LYPD1: variants seen among roughly 807,000 people sequenced by gnomAD.
LYPD1 encodes ly6/PLAUR domain-containing protein 1.
In LYPD1, 14 loss-of-function variants were observed where a neutral mutation model predicts 14.2. The observed-to-expected ratio is 0.99, with a 90% confidence interval of 0.65 to 1.54. The LOEUF (loss-of-function observed/expected upper bound fraction) is 1.54, where lower values mean the gene tolerates loss of function less well. Ranked by LOEUF, LYPD1 falls within the 40% of genes most tolerant of loss-of-function variation. The pLI is 0.00. For missense variants in LYPD1, 165 were observed against 175.7 expected (o/e 0.94, Z 0.34); for synonymous variants, 85 against 70.6 (o/e 1.20, Z -1.02).
Position 132,645,775 on chromosome 2 carries a change from C to G in LYPD1, c.*270G>C. On this transcript the variant is annotated 3_prime_UTR_variant, in exon 3 of 3. Transcript: ENST00000397463. ...GACTTCTAAGGACTGACTCTGCCAG[C>G]CTGGCCTTGACTCCGGTTACACAGA... The G allele has an allele frequency of 3.1e-6, 3 of 973,326 alleles. No homozygotes were observed. Among genetic ancestry groups the G allele is most frequent in the Non-Finnish European group, 3.0e-6 (2 of 677,214 alleles). 60.3% of individuals were successfully genotyped at this position (973,326 alleles called of 1,614,324 possible). A position where few individuals can be genotyped will look rare whatever the true frequency, so the allele number is the denominator to read the frequency against.
chr2:132,655,300 T>C (rs796272520), intron 2 of LYPD1, among the ~76,000 whole-genome samples: 15 of 152,198 alleles, frequency 9.9e-5, no homozygotes, highest in African/African-American at 3.6e-4. Context: ...AGTAATTCCC[T>C]CCAACTTAGA....
In LYPD1 at chr2:132,669,792, C is replaced by G; in HGVS notation, c.52+89G>C. ...GGGCAGCCCCAGCGCAGGGCTGGCC[C>G]CGAGGTGGGCGCCTTGGGGGCAAAA... On this transcript the variant is annotated intron_variant, in intron 1 of 2. Coordinates refer to ENST00000397463, the MANE Select transcript of LYPD1 (RefSeq NM_144586.7). The surrounding 1 kb of genome is among the most constrained non-coding windows in gnomAD (Gnocchi z 4.3). 1.9e-6 allele frequency: 3 copies of G among 1,562,816 alleles called. No homozygotes were observed. Among genetic ancestry groups the G allele is most frequent in the Non-Finnish European group, 2.6e-6 (3 of 1,157,308 alleles).
chr2:132,656,567 T>C (rs1038008396), intron 2 of LYPD1, among the ~76,000 whole-genome samples: 4 of 152,218 alleles, frequency 2.6e-5, no homozygotes, highest in African/African-American at 9.6e-5. Flanking sequence ...AATTTTGACA[T>C]TCTCTGCATT....
chr2:132,650,730 A>C (rs1028233913), intron 2 of LYPD1, among the ~76,000 whole-genome samples: 2 of 54,890 alleles, frequency 3.6e-5, no homozygotes, highest in African/African-American at 7.8e-5. Flanking sequence ...AAAAAAAACA[A>C]AAAACAAAAA....
chr2:132,654,722 G>A (rs1349084071), intron 2 of LYPD1, among the ~76,000 whole-genome samples: 1 of 149,986 alleles, frequency 6.7e-6, no homozygotes, highest in East Asian at 2.0e-4. Context: ...CAATTAGTGT[G>A]ACTCCTGGCC....
intron 2 of LYPD1, chr2:132,666,597 C>T (rs1354723789): frequency 6.6e-6 from 1 of 152,056 alleles, no homozygotes; most frequent in Non-Finnish European, 1.5e-5. Flanking sequence ...AACCTTAGGC[C>T]AGACACTTGA....
chr2:132,655,651 A>T (rs1682547364), intron 2 of LYPD1, among the ~76,000 whole-genome samples: 1 of 151,212 alleles, frequency 6.6e-6, no homozygotes, highest in South Asian at 2.1e-4. Context: ...AGTAGCTGGG[A>T]CTACAGGTGC....
Position 132,645,412 on chromosome 2 carries a change from C to T in LYPD1, c.*633G>A, listed in dbSNP as rs16838944. ...CACCGACAGCGCCCGCTTTGTGCAG[C>T]GCCCGTTGCTCTTCGCGTCCCGGCG... On this transcript the variant is annotated 3_prime_UTR_variant, in exon 3 of 3. Transcript: ENST00000397463. 749 of 1,613,502 alleles carry T rather than the reference C, an allele frequency of 4.6e-4. No individual in the cohort carries two copies. Among genetic ancestry groups the T allele is most frequent in the Non-Finnish European group, 6.0e-4 (706 of 1,180,022 alleles).
At chr2:132,660,864 A>G (rs1202751758) in intron 2 of LYPD1, among the ~76,000 whole-genome samples, 2 of 152,220 alleles carry the variant, frequency 1.3e-5, no homozygotes. Context: ...TTGTGCATGG[A>G]CATGGTATTC....
At chr2:132,664,854 A>T (rs769641507) in intron 2 of LYPD1, among the ~76,000 whole-genome samples, 3 of 152,234 alleles carry the variant, frequency 2.0e-5, no homozygotes, top group Non-Finnish European at 4.4e-5. Context: ...TCTGAAATGA[A>T]AATCAATATT....
rs547444729 is a variant in LYPD1, at chr2:132,668,462, A to G, written c.128T>C (p.Ile43Thr). ...LNNDCSSPEF[I>T]VNCTVNVQDM... Reference sequence around the variant, plus strand: ...TTGAACGTTCACCGTGCAATTCACAATGAACTCGGGGGAGGAGCAGTCGTT... The same window carrying G: ...TTGAACGTTCACCGTGCAATTCACAGTGAACTCGGGGGAGGAGCAGTCGTT... The change falls in exon 2 of 3, where the codon ATT becomes ACT. Residue 43 changes from isoleucine to threonine, a missense_variant. Transcript: ENST00000397463. 1 of 1,611,430 alleles carries G rather than the reference A, an allele frequency of 6.2e-7. No individual in the cohort carries two copies. The highest frequency in any genetic ancestry group is 1.3e-5 in the African/African-American group (1 of 74,932).
intron 2 of LYPD1, among the ~76,000 whole-genome samples, chr2:132,654,630 A>G (rs1391512518): frequency 6.6e-6 from 1 of 152,164 alleles, no homozygotes; most frequent in Non-Finnish European, 1.5e-5. Flanking sequence ...ACTGGTTTTC[A>G]TTGTGATGGG....
chr2:132,669,411 C>G lies in LYPD1; in HGVS notation c.52+470G>C, dbSNP rs1683494794. ...GCTCCTGTCTAGACCCAACTACCCA[C>G]GCTCCCGCAGCCCCACATCTATCGC... On this transcript the variant is annotated intron_variant, in intron 1 of 2. Transcript: ENST00000397463. The surrounding 1 kb of genome is among the most constrained non-coding windows in gnomAD (Gnocchi z 4.3). Among the ~76,000 whole-genome samples, 1 of 152,152 alleles carries G rather than the reference C, an allele frequency of 6.6e-6. No homozygotes were observed. The highest frequency in any genetic ancestry group is 1.5e-5 in the Non-Finnish European group (1 of 68,024).
chr2:132,663,372 C>T (rs1008966709), intron 2 of LYPD1, among the ~76,000 whole-genome samples: 13 of 152,208 alleles, frequency 8.5e-5, no homozygotes, highest in African/African-American at 3.1e-4. Flanking sequence ...CTCCCGGGTT[C>T]AAGCAATTCT....
Position 132,645,100 on chromosome 2 carries a change from G to A in LYPD1, c.*945C>T, listed in dbSNP as rs759642837. 6.2e-7 allele frequency: 1 copy of A among 1,610,882 alleles called. No homozygotes were observed. Among genetic ancestry groups the A allele is most frequent in the Admixed American group, 1.7e-5 (1 of 59,916 alleles). On this transcript the variant is annotated 3_prime_UTR_variant, in exon 3 of 3. Transcript: ENST00000397463. ...TCTCCCTCCTGCTCGTGTCTGCCCA[G>A]GGCTGATTGTTGTGACATTGGCCGT...
chr2:132,668,348 C>A, intron 2 of LYPD1, 52 bp downstream of exon 2: 1 of 1,540,124 alleles, frequency 6.5e-7, no homozygotes, highest in Non-Finnish European at 8.7e-7. Flanking sequence ...CCCCTCACTC[C>A]CACCCCACAG....
At chr2:132,655,331 A>G (rs1294677882) in intron 2 of LYPD1, among the ~76,000 whole-genome samples, 1 of 151,982 alleles carries the variant, frequency 6.6e-6, no homozygotes, top group Non-Finnish European at 1.5e-5. Context: ...AGCAATGGTG[A>G]TATTTCAGGC....
chr2:132,647,428 G>T (rs1271630454), intron 2 of LYPD1, among the ~76,000 whole-genome samples: 1 of 152,206 alleles, frequency 6.6e-6, no homozygotes, highest in Non-Finnish European at 1.5e-5. Context: ...CTTTTGTTGT[G>T]TATGTATGTG....
In LYPD1 at chr2:132,670,190, C is replaced by G; in HGVS notation, c.-258G>C. On this transcript the variant is annotated 5_prime_UTR_variant, in exon 1 of 3. Coordinates refer to ENST00000397463, the MANE Select transcript of LYPD1 (RefSeq NM_144586.7). This position sits in a 1 kb window ranked among gnomAD's most constrained non-coding sequence, Gnocchi z 4.5. Reference sequence around the variant, plus strand: ...CCGAGCACCGCGCCTCCGGAGTTGGCGGCTGAGACTGAAGGAACTACTGGC... The same window carrying G: ...CCGAGCACCGCGCCTCCGGAGTTGGGGGCTGAGACTGAAGGAACTACTGGC... The G allele has an allele frequency of 8.2e-7, 1 of 1,223,828 alleles. No individual in the cohort carries two copies. Among genetic ancestry groups the G allele is most frequent in the South Asian group, 1.8e-5 (1 of 54,416 alleles). The allele number at this position is 1,223,828 out of a possible 1,614,324, so 75.8% of individuals were successfully genotyped here. A position where few individuals can be genotyped will look rare whatever the true frequency, so the allele number is the denominator to read the frequency against.
Sources: allele counts gnomAD v4.1 joint callset (sites outside exome capture counted in the v4.1 genomes callset), GRCh38; gene constraint gnomAD v4.1.1; non-coding constraint Gnocchi (gnomAD v3.1); transcripts MANE v1.5; gene names NCBI Gene and HGNC (gene_info 2026-07-23, HGNC 2026-07-21).